The following ARK2N variants were observed in gnomAD, a reference collection of about 807,000 sequenced individuals.
ARK2N encodes the protein protein ARK2N.
chr18:46,259,922 T>G, the ARK2N span, among the ~76,000 whole-genome samples: 4 of 138,740 alleles, frequency 2.9e-5, no homozygotes, highest in South Asian at 2.3e-4. Context: ...GGTTTCACCA[T>G]GGTGCCCAGG....
At chr18:46,240,233 G>A in the ARK2N span, 2 of 1,595,704 alleles carry the variant, frequency 1.3e-6, no homozygotes, top group Non-Finnish European at 1.7e-6. Flanking sequence ...ATATGCATGT[G>A]TCCTGGAGCT....
chr18:46,249,048 G>A, the ARK2N span, among the ~76,000 whole-genome samples: 2 of 152,040 alleles, frequency 1.3e-5, no homozygotes, highest in African/African-American at 4.8e-5. Context: ...CTTTCCTGTT[G>A]TACTTACCTG....
chr18:46,176,991 T>C, the ARK2N span, among the ~76,000 whole-genome samples: 5 of 152,194 alleles, frequency 3.3e-5, no homozygotes, highest in African/African-American at 1.2e-4. Flanking sequence ...GCTCAGGCAG[T>C]CCTCCTGCCT....
At chr18:46,195,143 T>C in the ARK2N span, among the ~76,000 whole-genome samples, 3 of 152,014 alleles carry the variant, frequency 2.0e-5, no homozygotes, top group Non-Finnish European at 2.9e-5. Context: ...CACAGAGATG[T>C]GTAATAATGA....
the ARK2N span, among the ~76,000 whole-genome samples, chr18:46,182,600 A>G: frequency 1.3e-5 from 2 of 151,928 alleles, no homozygotes; most frequent in Non-Finnish European, 2.9e-5. Flanking sequence ...ATTTTTAAAA[A>G]TTAAAAGAAC....
chr18:46,188,727 T>C, the ARK2N span, among the ~76,000 whole-genome samples: 1 of 152,080 alleles, frequency 6.6e-6, no homozygotes, highest in African/African-American at 2.4e-5. Context: ...AAAATCAAAA[T>C]GTTGGCTGGG....
chr18:46,241,249 T>A, the ARK2N span, among the ~76,000 whole-genome samples: 1 of 152,188 alleles, frequency 6.6e-6, no homozygotes, highest in Non-Finnish European at 1.5e-5. Flanking sequence ...TGTAGCTAAT[T>A]TTGGAACTGA....
At chr18:46,220,617 A>G in the ARK2N span, among the ~76,000 whole-genome samples, 1 of 152,312 alleles carries the variant, frequency 6.6e-6, no homozygotes, top group South Asian at 2.1e-4. Flanking sequence ...TGGGTATTGC[A>G]TATGTCGTCC....
the ARK2N span, among the ~76,000 whole-genome samples, chr18:46,227,553 G>A: frequency 5.3e-5 from 8 of 152,004 alleles, no homozygotes; most frequent in Non-Finnish European, 1.2e-4. Context: ...CCTTGTATAA[G>A]GATACATATA....
chr18:46,227,549 A>G, the ARK2N span, among the ~76,000 whole-genome samples: 44 of 152,248 alleles, frequency 2.9e-4, no homozygotes, highest in African/African-American at 9.9e-4. Flanking sequence ...ACATCCTTGT[A>G]TAAGGATACA....
the ARK2N span, among the ~76,000 whole-genome samples, chr18:46,184,646 T>C: frequency 1.3e-5 from 2 of 152,132 alleles, no homozygotes; most frequent in East Asian, 3.9e-4. Flanking sequence ...CACCTGAGCC[T>C]AGGAAGGTAA....
the ARK2N span, among the ~76,000 whole-genome samples, chr18:46,223,488 C>G: frequency 1.2e-4 from 18 of 152,316 alleles, no homozygotes; most frequent in Admixed American, 2.0e-4. Flanking sequence ...CTGATTTAAA[C>G]ATTCTTTTTT....
chr18:46,229,878 A>G, the ARK2N span, among the ~76,000 whole-genome samples: 4 of 152,098 alleles, frequency 2.6e-5, no homozygotes, highest in African/African-American at 7.2e-5. Context: ...TGCTGGGATT[A>G]CAGGTACGAG....
the ARK2N span, among the ~76,000 whole-genome samples, chr18:46,255,469 G>A: frequency 2.2e-5 from 1 of 45,078 alleles, no homozygotes; most frequent in East Asian, 5.2e-4. Context: ...TTTTTTTTTT[G>A]AGGGGGAGTT....
the ARK2N span, chr18:46,232,610 T>C: frequency 1.3e-5 from 2 of 152,170 alleles, no homozygotes; most frequent in African/African-American, 4.8e-5. Flanking sequence ...TACTCATTTT[T>C]CCCCCGATTT....
the ARK2N span, among the ~76,000 whole-genome samples, chr18:46,222,961 C>G: frequency 6.6e-6 from 1 of 152,138 alleles, no homozygotes; most frequent in Non-Finnish European, 1.5e-5. Flanking sequence ...TAAGTGGTTC[C>G]TGTTTTTAAG....
chr18:46,196,130 G>A, the ARK2N span, among the ~76,000 whole-genome samples: 8 of 151,212 alleles, frequency 5.3e-5, no homozygotes, highest in African/African-American at 1.5e-4. Flanking sequence ...ACAGGCATGC[G>A]CCACCACGCC....
chr18:46,234,497 C>G, the ARK2N span, among the ~76,000 whole-genome samples: 1 of 152,108 alleles, frequency 6.6e-6, no homozygotes, highest in Non-Finnish European at 1.5e-5. Context: ...TGTGCCCGGC[C>G]TCATTTGTAA....
At chr18:46,182,086 G>A in the ARK2N span, among the ~76,000 whole-genome samples, 1 of 152,292 alleles carries the variant, frequency 6.6e-6, no homozygotes, top group African/African-American at 2.4e-5. Context: ...GTCGGGGATA[G>A]GGAAGTTGGG....
Sources: allele counts gnomAD v4.1 joint callset (sites outside exome capture counted in the v4.1 genomes callset), GRCh38; gene constraint gnomAD v4.1.1; transcripts MANE v1.5; gene names NCBI Gene and HGNC (gene_info 2026-07-23, HGNC 2026-07-21).